The following ARAP2 variants were observed in gnomAD, a reference collection of about 807,000 sequenced individuals.
The protein encoded by ARAP2 is arf-GAP with Rho-GAP domain, ANK repeat and PH domain-containing protein 2.
Under a neutral mutation model 194.5 loss-of-function variants are expected in ARAP2, and 148 were observed. The ratio of observed to expected loss-of-function variants is 0.76; its 90% CI spans 0.67 to 0.87. The LOEUF is 0.87. ARAP2 is among the 40% of genes least tolerant of loss of function. The pLI, the probability that ARAP2 is intolerant of heterozygous loss-of-function variation, is 0.00. For missense variants in ARAP2, 2,128 were observed against 1,989.7 expected (o/e 1.07, Z -1.32); for synonymous variants, 695 against 683.5 (o/e 1.02, Z -0.26).
At position 36,240,348 on chromosome 4, in the gene ARAP2, T is replaced by C. The variant is rs569898285; in HGVS notation, c.-160+3831A>G. On this transcript the variant is annotated intron_variant, in intron 1 of 32. Coordinates refer to ENST00000303965, the MANE Select transcript of ARAP2 (RefSeq NM_015230.4). ...TTATCACTGTAAATCATTCTTCTAA[T>C]AAACCCACAATGCACCTAACACAGC... is the stretch of plus-strand genomic sequence containing the variant. 1.8e-4 allele frequency among the ~76,000 whole-genome samples: 27 copies of C among 152,346 alleles called. 1 individual carries two copies. In the South Asian group the frequency reaches 5.6e-3, roughly 32 times the overall value.
chr4:36,031,740 C>T (rs1463998703), intron 5 of ARAP2, among the ~76,000 whole-genome samples: 2 of 151,138 alleles, frequency 1.3e-5, no homozygotes, highest in African/African-American at 2.4e-5. Context: ...ATGATCTTGG[C>T]TCACTGCAAC....
chr4:36,162,104 T>C (rs1361820664), intron 11 of ARAP2, among the ~76,000 whole-genome samples: 1 of 48,664 alleles, frequency 2.1e-5, no homozygotes, highest in Non-Finnish European at 3.9e-5. Flanking sequence ...CGAGACTCCG[T>C]CTCAAAAAAA....
chr4:36,066,145 G>A lies in ARAP2; in HGVS notation c.*1762C>T, dbSNP rs1055452252. 1.3e-5 allele frequency: 2 copies of A among 152,148 alleles called. No individual in the cohort carries two copies. The highest frequency in any genetic ancestry group is 4.8e-5 in the African/African-American group (2 of 41,432). The allele number at this position is 152,148 out of a possible 1,614,324, so 9.4% of individuals were successfully genotyped here. A position where few individuals can be genotyped will look rare whatever the true frequency, so the allele number is the denominator to read the frequency against. On this transcript the variant is annotated 3_prime_UTR_variant, in exon 33 of 33. Coordinates refer to ENST00000303965, the MANE Select transcript of ARAP2 (RefSeq NM_015230.4). ...ATTAGAGTTTAAGCTCAAGTTTCAA[G>A]AAGAATTCAGATAAGGCAGGTAAAA...
Position 36,212,484 on chromosome 4 carries a change from G to T in ARAP2, c.1045C>A (p.Arg349=). ...LFQRLENSKK[R]SIKNEFLTQG... ...GTCAAAAATTCATTCTTTATAGATC[G>T]CTTCTATTAAAAAAGCAAACAAACA... Residue 349 remains arginine, a synonymous_variant, in exon 5 of 33, where the codon CGA becomes AGA. Transcript: ENST00000303965. 6.2e-7 allele frequency: 1 copy of T among 1,608,214 alleles called. No homozygotes were observed. Among genetic ancestry groups the T allele is most frequent in the Non-Finnish European group, 8.5e-7 (1 of 1,176,290 alleles).
chr4:36,043,813 G>GGCAAGGGAAC (rs2109232718), intron 5 of ARAP2, among the ~76,000 whole-genome samples: 4 of 63,746 alleles, frequency 6.3e-5, no homozygotes, highest in South Asian at 1.1e-3. Context: ...GGGAAGGGAA[G>GGCAAGGGAAC]GGAAGGGAAG....
chr4:36,210,334 A>C, intron 6 of ARAP2, 56 bp downstream of exon 6: 1 of 1,482,574 alleles, frequency 6.7e-7, no homozygotes, highest in East Asian at 2.3e-5. Context: ...TTAGAAATGA[A>C]TAAACTTGAA....
intron 9 of ARAP2, among the ~76,000 whole-genome samples, chr4:36,169,580 G>C (rs926794552): frequency 1.4e-5 from 2 of 147,192 alleles, no homozygotes; most frequent in Non-Finnish European, 3.0e-5. Flanking sequence ...ACCCAGGCTA[G>C]AGTGCAATGG....
chr4:36,122,737 C>T (rs1472322842), intron 22 of ARAP2, among the ~76,000 whole-genome samples: 1 of 151,628 alleles, frequency 6.6e-6, no homozygotes. Context: ...AACCTACACA[C>T]TGTACCCCTG....
chr4:36,039,954 T>G (rs1252552700), intron 5 of ARAP2, among the ~76,000 whole-genome samples: 1 of 152,074 alleles, frequency 6.6e-6, no homozygotes, highest in African/African-American at 2.4e-5. Flanking sequence ...GAAAAGGAAA[T>G]AAACTTTTTT....
intron 19 of ARAP2, among the ~76,000 whole-genome samples, chr4:36,136,783 A>ATGTG (rs772565955): frequency 0.15 from 21,821 of 143,682 alleles, 1,947 homozygotes; most frequent in African/African-American, 0.25. Flanking sequence ...AATCAAATAT[A>ATGTG]TGTGTGTGTG....
chr4:36,132,619 A>G (rs1002127884), intron 20 of ARAP2, among the ~76,000 whole-genome samples: 34 of 151,820 alleles, frequency 2.2e-4, no homozygotes, highest in Non-Finnish European at 4.3e-4. Context: ...AGGCATATCT[A>G]AAATACTAAC....
intron 26 of ARAP2, among the ~76,000 whole-genome samples, chr4:36,109,057 T>TA (rs1719169713): frequency 6.6e-6 from 1 of 151,934 alleles, no homozygotes; most frequent in African/African-American, 2.4e-5. Flanking sequence ...TAACTGATAA[T>TA]AAAATCACAA....
At chr4:36,168,687 A>AT (rs547049747) in intron 9 of ARAP2, among the ~76,000 whole-genome samples, 6 of 151,710 alleles carry the variant, frequency 4.0e-5, no homozygotes, top group South Asian at 2.1e-4. Flanking sequence ...CATCAACCGA[A>AT]TTTTTTTTTC....
intron 5 of ARAP2, among the ~76,000 whole-genome samples, chr4:36,025,150 A>G (rs1717685390): frequency 6.6e-6 from 1 of 152,182 alleles, no homozygotes; most frequent in African/African-American, 2.4e-5. Context: ...TTGCAATGCC[A>G]TTCTGGGAGT....
chr4:36,179,563 A>G (rs1300505316), intron 8 of ARAP2, among the ~76,000 whole-genome samples: 2 of 152,224 alleles, frequency 1.3e-5, no homozygotes, highest in Admixed American at 6.5e-5. Flanking sequence ...AGGTACAACT[A>G]TATCTATAAG....
In ARAP2 at chr4:36,156,378, A is replaced by AGGGGGC. The variant is rs1732381020; in HGVS notation, c.2752+2351_2752+2352insGCCCCC. Among the ~76,000 whole-genome samples the AGGGGGC allele has an allele frequency of 2.3e-4, 2 of 8,860 alleles. 1 individual carries two copies. The allele number at this position is 8,860 out of a possible 152,430, so 5.8% of individuals were successfully genotyped here. A position where few individuals can be genotyped will look rare whatever the true frequency, so the allele number is the denominator to read the frequency against. ...GAGAGGGAGGGAGGGAGGGAGGGGG[A>AGGGGGC]AAGAGAGAGAGAGAAAGAAAGAAAG... On this transcript the variant is annotated intron_variant, in intron 15 of 32. Transcript: ENST00000303965.
intron 32 of ARAP2, among the ~76,000 whole-genome samples, chr4:36,069,289 A>T (rs1726254069): frequency 6.6e-6 from 1 of 152,196 alleles, no homozygotes. Context: ...GATTCTGATT[A>T]TACATCTTAA....
chr4:36,161,696 C>T, intron 11 of ARAP2, 146 bp from the exon 12 acceptor site: 1 of 477,272 alleles, frequency 2.1e-6, no homozygotes, highest in Non-Finnish European at 3.8e-6. Flanking sequence ...TCCTCAATAA[C>T]AAGATGACAA....
intron 2 of ARAP2, 151 bp from the exon 3 acceptor site, chr4:36,214,631 G>GA (rs1248514095): frequency 2.3e-6 from 1 of 438,770 alleles, no homozygotes; most frequent in East Asian, 4.3e-5. Flanking sequence ...CTTTTGGGTA[G>GA]AAAAAACAAT....
Sources: gnomAD v4.1 joint callset for allele counts (sites outside exome capture counted in the v4.1 genomes callset) on GRCh38, gnomAD v4.1.1 for gene constraint, MANE v1.5 for transcripts, NCBI Gene and HGNC (gene_info 2026-07-23, HGNC 2026-07-21) for gene names.